Variants in GPX4 observed in about 807,000 individuals in gnomAD.
GPX4 encodes the protein phospholipid hydroperoxide glutathione peroxidase GPX4.
Under a neutral mutation model 27.8 loss-of-function variants are expected in GPX4, and 28 were observed. That is an observed-to-expected ratio of 1.01 (90% CI 0.75 to 1.38). The LOEUF is 1.38. GPX4 is among the 40% of genes most tolerant of loss of function. GPX4 has a pLI of 0.00. For missense variants in GPX4, 357 were observed against 274.1 expected, an observed-to-expected ratio of 1.30 and a Z score of -2.14; for synonymous variants, 163 against 107.8, an observed-to-expected ratio of 1.51 and a Z score of -3.17.
At position 1,104,999 on chromosome 19, in the gene GPX4, G is replaced by T. The variant is rs906952330; in HGVS notation, c.85-187G>T. The T allele has an allele frequency of 1.0e-5, 15 of 1,465,316 alleles. No homozygotes were observed. The South Asian group carries it at 2.1e-4, about 21-fold the overall frequency. 90.8% of individuals were successfully genotyped at this position (1,465,316 alleles called of 1,614,324 possible). Reference sequence around the variant, plus strand: ...GTTGGAACCCTCTCCCGGCCTCCGGGTCTCCGGTAAAACCGGACCAGAAGT... The same window carrying T: ...GTTGGAACCCTCTCCCGGCCTCCGGTTCTCCGGTAAAACCGGACCAGAAGT... On this transcript the variant is annotated intron_variant, in intron 1 of 6. Transcript: ENST00000354171.
At chr19:1,106,501 G>C (rs778000261) in intron 6 of GPX4, 39 bp from the exon 7 acceptor site, 3 of 1,612,160 alleles carry the variant, frequency 1.9e-6, no homozygotes, top group Non-Finnish European at 2.5e-6. Flanking sequence ...TCGGGGGCTT[G>C]GGAGGTAGCT....
intron 5 of GPX4, 45 bp from the exon 6 acceptor site, chr19:1,106,355 C>T (rs745885476): frequency 8.7e-6 from 14 of 1,612,462 alleles, no homozygotes; most frequent in Non-Finnish European, 1.1e-5. Context: ...CAGCCTCAGC[C>T]CCTTGCAGGG....
At position 1,104,057 on chromosome 19, in the gene GPX4, G is replaced by T; in HGVS notation, c.14G>T (p.Arg5Leu). 1.3e-6 allele frequency: 2 copies of T among 1,519,256 alleles called. No homozygotes were observed. The highest frequency in any genetic ancestry group is 1.8e-6 in the Non-Finnish European group (2 of 1,139,882). The allele number at this position is 1,519,256 out of a possible 1,614,324, so 94.1% of individuals were successfully genotyped here. A position where few individuals can be genotyped will look rare whatever the true frequency, so the allele number is the denominator to read the frequency against. ...AGCCCCGCCGCGATGAGCCTCGGCC[G>T]CCTTTGCCGCCTACTGAAGCCGGCG... is the stretch of plus-strand genomic sequence containing the variant. MSLG[R>L]LCRLLKPALL... Residue 5 changes from arginine (R) to leucine (L), a missense_variant, in exon 1 of 7, where the codon CGC becomes CTC. Arg to Leu is a moderately radical substitution (Grantham distance 102, BLOSUM62 -2). Coordinates refer to ENST00000354171, the MANE Select transcript of GPX4 (RefSeq NM_002085.5).
At chr19:1,104,930 G>C in intron 1 of GPX4, 1 of 1,456,874 alleles carries the variant, frequency 6.9e-7, no homozygotes, top group Non-Finnish European at 9.1e-7. Flanking sequence ...CCAGGACCCG[G>C]TGCGCGCGGG....
rs762588266 is a variant in GPX4, at chr19:1,105,696, G to A, written c.363G>A (p.Ala121=). 1.3e-5 allele frequency: 21 copies of A among 1,612,242 alleles called. No individual in the cohort carries two copies. The East Asian group carries it at 1.3e-4, about 10-fold the overall frequency. Residue 121 remains alanine, a synonymous_variant, in exon 4 of 7, where the codon GCG becomes GCA. Coordinates refer to ENST00000354171, the MANE Select transcript of GPX4 (RefSeq NM_002085.5). ...GSNEEIKEFA[A]GYNVKFDMFS... is the part of the protein sequence containing the mutation. ...ACGAAGAGATCAAAGAGTTCGCCGC[G>A]GGCTACAACGTCAAATTCGATATGT...
intron 4 of GPX4, 61 bp downstream of exon 4, chr19:1,105,870 C>A: frequency 2.1e-6 from 3 of 1,455,508 alleles, no homozygotes; most frequent in Non-Finnish European, 2.8e-6. Flanking sequence ...TGCTGGGATG[C>A]TCACACCTCC....
chr19:1,105,350 C>T lies in GPX4; in HGVS notation c.180-16C>T. ...GGGGCCGTGTTCTTCTGCGCTGACG[C>T]CGCCGATCCTCGCAGGGGCTTCGTG... On this transcript the variant is annotated splice_polypyrimidine_tract_variant and intron_variant, in intron 2 of 6. Transcript: ENST00000354171. The T allele has an allele frequency of 6.2e-7, 1 of 1,611,450 alleles. No homozygotes were observed. Among genetic ancestry groups the T allele is most frequent in the East Asian group, 2.2e-5 (1 of 44,856 alleles).
At chr19:1,104,269 C>G in intron 1 of GPX4, 142 bp downstream of exon 1, 1 of 716,812 alleles carries the variant, frequency 1.4e-6, no homozygotes, top group Non-Finnish European at 2.1e-6. Flanking sequence ...TCCCCACCCC[C>G]GGCCGGGCAC....
In GPX4 at chr19:1,105,507, G is replaced by T; in HGVS notation, c.321G>T (p.Lys107Asn). 1 of 1,612,346 alleles carries T rather than the reference G, an allele frequency of 6.2e-7. No individual in the cohort carries two copies. Among genetic ancestry groups the T allele is most frequent in the Non-Finnish European group, 8.5e-7 (1 of 1,179,706 alleles). ...CCTTCCCGTGTAACCAGTTCGGGAAGCAGGTGGGCTGCTGCGTCCCCGGGG... is the reference window on the plus strand; with the variant it reads ...CCTTCCCGTGTAACCAGTTCGGGAATCAGGTGGGCTGCTGCGTCCCCGGGG... The part of the protein sequence containing the change: ...ILAFPCNQFG[K>N]QEPGSNEEIK... The change falls in exon 3 of 7, where the codon AAG becomes AAT. Residue 107 changes from lysine (K) to asparagine (N), a missense_variant. Transcript: ENST00000354171.
At chr19:1,105,586 TG>T in intron 3 of GPX4, 71 bp from the exon 4 acceptor site, 1 of 1,600,986 alleles carries the variant, frequency 6.2e-7, no homozygotes, top group Non-Finnish European at 8.5e-7. Flanking sequence ...GGAGAGGGCC[TG>T]GGAGTGTGCA....
intron 1 of GPX4, chr19:1,104,751 C>T: frequency 3.0e-6 from 3 of 986,082 alleles, no homozygotes; most frequent in Non-Finnish European, 3.6e-6. Context: ...CGCGCGGGCG[C>T]AGGCTCCCCC....
intron 1 of GPX4, chr19:1,104,660 AC>A: frequency 6.1e-6 from 6 of 984,414 alleles, no homozygotes; most frequent in Non-Finnish European, 7.2e-6. Flanking sequence ...AGTCCTGACT[AC>A]GGCCTCCGGG....
intron 1 of GPX4, 176 bp from the exon 2 acceptor site, chr19:1,105,010 A>C: frequency 1.4e-6 from 2 of 1,462,826 alleles, no homozygotes; most frequent in East Asian, 4.9e-5. Context: ...TCTCCGGTAA[A>C]ACCGGACCAG....
intron 1 of GPX4, chr19:1,104,524 G>C: frequency 3.3e-6 from 2 of 603,072 alleles, no homozygotes; most frequent in East Asian, 1.1e-4. Flanking sequence ...GGGCGTCTCC[G>C]GGCCGAGCGG....
chr19:1,105,970 CA>C, intron 4 of GPX4, 161 bp downstream of exon 4: 2 of 878,688 alleles, frequency 2.3e-6, no homozygotes, highest in Non-Finnish European at 3.4e-6. Context: ...TAAGATGGCT[CA>C]GGGGGACATA....
rs1302011952 is a variant in GPX4 at position 1,105,321 on chromosome 19, G to A, written c.179+41G>A. On this transcript the variant is annotated intron_variant, in intron 2 of 6. Coordinates refer to ENST00000354171, the MANE Select transcript of GPX4 (RefSeq NM_002085.5). ...GGGTGGGGCGCGGGGTCGGGCCCTG[G>A]GAGGGGGCCGTGTTCTTCTGCGCTG... 4.3e-6 allele frequency: 7 copies of A among 1,612,540 alleles called. 1 individual carries two copies. Among genetic ancestry groups the A allele is most frequent in the Middle Eastern group, 1.6e-4 (1 of 6,062 alleles).
chr19:1,106,304 T>A (rs754215826), intron 5 of GPX4, 38 bp downstream of exon 5: 3 of 1,603,924 alleles, frequency 1.9e-6, no homozygotes, highest in Non-Finnish European at 2.6e-6. Context: ...CAGCTTCCCC[T>A]GGCCACAGCC....
chr19:1,104,505 G>A, intron 1 of GPX4: 1 of 450,252 alleles, frequency 2.2e-6, no homozygotes, highest in Non-Finnish European at 3.0e-6. Context: ...ACCGTTGAGG[G>A]CCACGGCGGG....
chr19:1,106,047 G>A, intron 4 of GPX4, 195 bp from the exon 5 acceptor site: 1 of 693,962 alleles, frequency 1.4e-6, no homozygotes, highest in South Asian at 1.9e-5. Flanking sequence ...GATGGCTCGG[G>A]GGCCTGTGGG....
Sources: allele counts gnomAD v4.1 joint callset, GRCh38; gene constraint gnomAD v4.1.1; transcripts MANE v1.5; gene names NCBI Gene and HGNC (gene_info 2026-07-23, HGNC 2026-07-21).